Variants in CDH13 observed in about 807,000 individuals in gnomAD.
CDH13 encodes cadherin 13, also known as cadherin-13.
A neutral mutation model predicts 63.8 loss-of-function variants in CDH13; 24 were observed. That is an observed-to-expected ratio of 0.38 (90% CI 0.27 to 0.53). The LOEUF (loss-of-function observed/expected upper bound fraction) is 0.53, where lower values mean the gene tolerates loss of function less well. Ranked by LOEUF, CDH13 falls within the 20% of genes least tolerant of loss-of-function variation. CDH13 has a pLI of 0.85. For missense variants in CDH13, 1,049 were observed against 903.1 expected, an observed-to-expected ratio of 1.16 and a Z score of -2.07; for synonymous variants, 503 against 355.3, an observed-to-expected ratio of 1.42 and a Z score of -4.67.
intron 6 of CDH13, among the ~76,000 whole-genome samples, chr16:83,424,026 T>C (rs570608893): frequency 6.6e-6 from 1 of 152,060 alleles, no homozygotes; most frequent in South Asian, 2.1e-4. Flanking sequence ...CTGAACAGTC[T>C]AGAAGAGGGA....
At chr16:82,797,904 G>C (rs2036667793) in intron 1 of CDH13, among the ~76,000 whole-genome samples, 1 of 151,954 alleles carries the variant, frequency 6.6e-6, no homozygotes, top group Non-Finnish European at 1.5e-5. Flanking sequence ...CTTCTCAGAA[G>C]ACCTTTGCAA....
At chr16:82,862,338 T>C (rs910028347) in intron 2 of CDH13, among the ~76,000 whole-genome samples, 1 of 152,238 alleles carries the variant, frequency 6.6e-6, no homozygotes, top group African/African-American at 2.4e-5. Flanking sequence ...TGATAAAATC[T>C]GACTATCCTA....
intron 11 of CDH13, among the ~76,000 whole-genome samples, chr16:83,751,013 A>G (rs75635096): frequency 0.013 from 1,997 of 151,972 alleles, 17 homozygotes; most frequent in Non-Finnish European, 0.017. Flanking sequence ...TTCTAGTAGA[A>G]TAAAGATGTG....
intron 5 of CDH13, among the ~76,000 whole-genome samples, chr16:83,275,731 T>C (rs1269820328): frequency 6.6e-6 from 1 of 152,196 alleles, no homozygotes; most frequent in Non-Finnish European, 1.5e-5. Context: ...ACGTCATTTC[T>C]GAACCCATAG....
chr16:83,543,232 T>C (rs867178119), intron 7 of CDH13, among the ~76,000 whole-genome samples: 14 of 152,372 alleles, frequency 9.2e-5, no homozygotes, highest in Middle Eastern at 3.4e-3. Flanking sequence ...ATGTGTGACA[T>C]TTCGTATAGC....
At chr16:83,562,146 A>G (rs1201410291) in intron 7 of CDH13, among the ~76,000 whole-genome samples, 1 of 152,166 alleles carries the variant, frequency 6.6e-6, no homozygotes, top group African/African-American at 2.4e-5. Flanking sequence ...TAAGGGTCTC[A>G]TCTTGTTTTA....
intron 7 of CDH13, among the ~76,000 whole-genome samples, chr16:83,514,592 C>A (rs1348342525): frequency 6.6e-6 from 1 of 152,112 alleles, no homozygotes; most frequent in African/African-American, 2.4e-5. Context: ...TTGCAGTAAG[C>A]CAAGATCATA....
At chr16:82,660,441 C>T (rs375475902) in intron 1 of CDH13, among the ~76,000 whole-genome samples, 3 of 139,346 alleles carry the variant, frequency 2.2e-5, no homozygotes, top group South Asian at 2.1e-4. Flanking sequence ...CCTGCCGGGG[C>T]GTGCGGGGAA....
At chr16:82,962,539 G>A (rs1471518488) in intron 2 of CDH13, among the ~76,000 whole-genome samples, 1 of 152,198 alleles carries the variant, frequency 6.6e-6, no homozygotes, top group East Asian at 1.9e-4. Flanking sequence ...TGGGGTCCAT[G>A]AGAAGGGATA....
chr16:82,654,898 G>A (rs942675647), intron 1 of CDH13, among the ~76,000 whole-genome samples: 15 of 152,222 alleles, frequency 9.9e-5, no homozygotes, highest in Admixed American at 8.5e-4. Flanking sequence ...ACACTACTGA[G>A]GTAGATGGAG....
intron 5 of CDH13, among the ~76,000 whole-genome samples, chr16:83,239,458 A>G (rs868179183): frequency 9.2e-5 from 14 of 152,200 alleles, no homozygotes; most frequent in East Asian, 1.9e-4. Context: ...CTTTAACACC[A>G]TGACACCAGG....
At chr16:82,855,941 G>A (rs919648794) in intron 1 of CDH13, among the ~76,000 whole-genome samples, 1 of 152,156 alleles carries the variant, frequency 6.6e-6, no homozygotes, top group Non-Finnish European at 1.5e-5. Flanking sequence ...TGGTGGGGAT[G>A]ATAATGAATT....
chr16:83,461,423 C>G (rs1247751044), intron 6 of CDH13, among the ~76,000 whole-genome samples: 1 of 152,120 alleles, frequency 6.6e-6, no homozygotes, highest in East Asian at 1.9e-4. Flanking sequence ...CATGGACAAG[C>G]TCCAGCCATG....
chr16:83,104,381 G>A (rs2034659151), intron 3 of CDH13, among the ~76,000 whole-genome samples: 2 of 152,096 alleles, frequency 1.3e-5, no homozygotes, highest in Admixed American at 6.6e-5. Flanking sequence ...GGGGCTGAAT[G>A]AAAATGTGAG....
intron 2 of CDH13, among the ~76,000 whole-genome samples, chr16:82,987,587 G>A (rs1911105854): frequency 2.0e-5 from 3 of 152,146 alleles, no homozygotes; most frequent in Admixed American, 2.0e-4. Context: ...ATGTTGACCA[G>A]GCTGGTCTCA....
intron 2 of CDH13, among the ~76,000 whole-genome samples, chr16:83,007,810 C>T (rs972395641): frequency 7.0e-6 from 1 of 142,964 alleles, no homozygotes; most frequent in African/African-American, 2.7e-5. Flanking sequence ...GGCAACAGAG[C>T]AAGACGACTC....
chr16:83,102,633 C>A (rs1014023748), intron 3 of CDH13, among the ~76,000 whole-genome samples: 1 of 152,124 alleles, frequency 6.6e-6, no homozygotes, highest in Admixed American at 6.5e-5. Context: ...TTCAACAGGA[C>A]CGCTCTGGCC....
chr16:83,320,418 G>A (rs1044430344), intron 5 of CDH13, among the ~76,000 whole-genome samples: 1 of 152,162 alleles, frequency 6.6e-6, no homozygotes, highest in African/African-American at 2.4e-5. Flanking sequence ...AAAAGTATAA[G>A]CTGTGTTGTC....
rs575636910 is a variant in CDH13, at chr16:83,609,905, C to A, written c.1101+7311C>A. Among the ~76,000 whole-genome samples the A allele has an allele frequency of 1.1e-4, 16 of 151,984 alleles. No homozygotes were observed. In the South Asian group the frequency reaches 3.3e-3, roughly 31 times the overall value. Reference sequence around the variant, plus strand: ...GCCCATTCCCCCACGCTGGCCACCACTGATCTACTGTCAGCCTCTATGGAT... The same window carrying A: ...GCCCATTCCCCCACGCTGGCCACCAATGATCTACTGTCAGCCTCTATGGAT... On this transcript the variant is annotated intron_variant, in intron 8 of 13. Coordinates refer to ENST00000567109, the MANE Select transcript of CDH13 (RefSeq NM_001257.5).
Sources: allele counts gnomAD v4.1 joint callset (sites outside exome capture counted in the v4.1 genomes callset), GRCh38; gene constraint gnomAD v4.1.1; transcripts MANE v1.5; gene names NCBI Gene and HGNC (gene_info 2026-07-23, HGNC 2026-07-21).